ULK4: variants seen among roughly 807,000 people sequenced by gnomAD.
ULK4 encodes unc-51 like kinase 4, also known as inactive serine/threonine-protein kinase ULK4.
Under a neutral mutation model 160.6 loss-of-function variants are expected in ULK4, and 133 were observed. That is an observed-to-expected ratio of 0.83 (90% CI 0.72 to 0.96). ULK4 has a LOEUF of 0.96. Ranked by LOEUF, ULK4 falls within the 40% of genes least tolerant of loss-of-function variation. ULK4 has a pLI of 0.00. For missense variants in ULK4, 1,580 were observed against 1,499.5 expected (o/e 1.05, Z -0.89); for synonymous variants, 534 against 539.8 (o/e 0.99, Z 0.15).
chr3:41,486,845 T>C (rs544449738), intron 32 of ULK4, among the ~76,000 whole-genome samples: 1 of 152,260 alleles, frequency 6.6e-6, no homozygotes, highest in East Asian at 1.9e-4. Context: ...AGGGAAACAC[T>C]AGAAGCATAT....
At chr3:41,406,992 T>A (rs909778370) in intron 34 of ULK4, among the ~76,000 whole-genome samples, 3 of 152,048 alleles carry the variant, frequency 2.0e-5, no homozygotes, top group Admixed American at 6.6e-5. Context: ...CAGAGGGGGA[T>A]CCCAGTGGAT....
rs566814848 is a variant in ULK4 at position 41,738,066 on chromosome 3, C to T, written c.2321+16295G>A. ...TAAAAATTAGTATCAAGAGCAAAAACTTAAAATATGTAGGGGTGATAATAT... is the reference window on the plus strand; with the variant it reads ...TAAAAATTAGTATCAAGAGCAAAAATTTAAAATATGTAGGGGTGATAATAT... On this transcript the variant is annotated intron_variant, in intron 22 of 36. Coordinates refer to ENST00000301831, the MANE Select transcript of ULK4 (RefSeq NM_017886.4). 5.1e-4 allele frequency among the ~76,000 whole-genome samples: 73 copies of T among 143,452 alleles called. 1 individual carries two copies. The highest frequency in any genetic ancestry group is 2.0e-3 in the African/African-American group (67 of 32,966). 94.1% of individuals were successfully genotyped at this position (143,452 alleles called of 152,430 possible).
intron 21 of ULK4, among the ~76,000 whole-genome samples, chr3:41,780,808 CA>C (rs1559548690): frequency 6.6e-6 from 1 of 152,134 alleles, no homozygotes. Flanking sequence ...ATTTACCAAT[CA>C]GGGGCCATTT....
intron 35 of ULK4, among the ~76,000 whole-genome samples, chr3:41,252,609 GA>G (rs35292590): frequency 0.39 from 40,254 of 104,246 alleles, 6,661 homozygotes; most frequent in Non-Finnish European, 0.47. Flanking sequence ...AGCAGAGATT[GA>G]AAAAAAAAAA....
At chr3:41,729,486 C>A (rs2125862817) in intron 22 of ULK4, among the ~76,000 whole-genome samples, 1 of 152,318 alleles carries the variant, frequency 6.6e-6, no homozygotes, top group South Asian at 2.1e-4. Context: ...GCGTGTCCTT[C>A]CCTGGGACCC....
chr3:41,554,222 A>C (rs1349208207), intron 32 of ULK4, among the ~76,000 whole-genome samples: 1 of 152,142 alleles, frequency 6.6e-6, no homozygotes, highest in African/African-American at 2.4e-5. Flanking sequence ...GGATACCTGC[A>C]CCTCTTTGTT....
At chr3:41,772,520 G>A (rs2039430447) in intron 21 of ULK4, among the ~76,000 whole-genome samples, 1 of 152,124 alleles carries the variant, frequency 6.6e-6, no homozygotes, top group South Asian at 2.1e-4. Context: ...ACTAAACCAG[G>A]AAGAAGTTGA....
chr3:41,913,401 A>G (rs1332908655), intron 8 of ULK4, among the ~76,000 whole-genome samples: 2 of 151,708 alleles, frequency 1.3e-5, no homozygotes, highest in Non-Finnish European at 2.9e-5. Flanking sequence ...AATTTTTTGT[A>G]TTTTTAGTAG....
chr3:41,302,934 A>G (rs2079828408), intron 35 of ULK4, among the ~76,000 whole-genome samples: 1 of 152,172 alleles, frequency 6.6e-6, no homozygotes, highest in South Asian at 2.1e-4. Flanking sequence ...GAATTTTATA[A>G]TATTAAATAA....
In ULK4 at chr3:41,664,577, G is replaced by A. The variant is rs186879212; in HGVS notation, c.2979-878C>T. 2.4e-4 allele frequency among the ~76,000 whole-genome samples: 37 copies of A among 152,172 alleles called. No homozygotes were observed. The South Asian group carries it at 2.5e-3, about 10-fold the overall frequency. On this transcript the variant is annotated intron_variant, in intron 29 of 36. Coordinates refer to ENST00000301831, the MANE Select transcript of ULK4 (RefSeq NM_017886.4). ...AAATGTATCAAAATTCCAGATTCCC[G>A]GAAGGAAAGCAGCTGTGTTCAGCAT...
chr3:41,407,194 A>G (rs1055841881), intron 34 of ULK4, among the ~76,000 whole-genome samples: 14 of 152,176 alleles, frequency 9.2e-5, no homozygotes, highest in Admixed American at 7.2e-4. Context: ...ATTTATGGCT[A>G]AAAACCATCC....
chr3:41,454,151 A>G (rs1453072904), intron 34 of ULK4, among the ~76,000 whole-genome samples: 1 of 150,152 alleles, frequency 6.7e-6, no homozygotes, highest in Non-Finnish European at 1.5e-5. Flanking sequence ...CATTGTGCAC[A>G]TGTACCCTAG....
intron 35 of ULK4, among the ~76,000 whole-genome samples, chr3:41,339,461 C>T (rs6784369): frequency 5.8e-4 from 88 of 152,300 alleles, no homozygotes; most frequent in African/African-American, 2.0e-3. Flanking sequence ...AAGCCACCCT[C>T]CACATGTCCC....
At chr3:41,484,239 C>T (rs984536596) in intron 32 of ULK4, among the ~76,000 whole-genome samples, 7 of 152,010 alleles carry the variant, frequency 4.6e-5, no homozygotes, top group Admixed American at 4.6e-4. Flanking sequence ...TCTCCAATAT[C>T]TATCAAATAC....
At chr3:41,297,181 G>A (rs988578061) in intron 35 of ULK4, among the ~76,000 whole-genome samples, 18 of 152,160 alleles carry the variant, frequency 1.2e-4, no homozygotes, top group Non-Finnish European at 2.6e-4. Context: ...CTCCGTGAGC[G>A]CCTGCTGTGC....
intron 4 of ULK4, among the ~76,000 whole-genome samples, chr3:41,934,015 G>T (rs1699681792): frequency 6.6e-6 from 1 of 152,062 alleles, no homozygotes; most frequent in South Asian, 2.1e-4. Flanking sequence ...TCCAGCCTGG[G>T]CAACAGAGTG....
chr3:41,367,142 CT>C (rs1281124814), intron 35 of ULK4, among the ~76,000 whole-genome samples: 1 of 152,192 alleles, frequency 6.6e-6, no homozygotes, highest in Non-Finnish European at 1.5e-5. Context: ...CCTGTGGCCA[CT>C]TTTTGGCTAC....
chr3:41,256,325 A>C lies in ULK4; in HGVS notation c.3679-6751T>G, dbSNP rs7340566. On this transcript the variant is annotated intron_variant, in intron 35 of 36. Transcript: ENST00000301831. ...CAGAATAAAATTTAGCCATCATACT[A>C]CCCAACTTTAAGAGGCACTACATGA... Among the ~76,000 whole-genome samples the C allele has an allele frequency of 4.2e-3, 642 of 152,328 alleles. 10 individuals carry two copies. Among genetic ancestry groups the C allele is most frequent in the African/African-American group, 0.014 (591 of 41,584 alleles).
At chr3:41,560,390 C>T (rs994240161) in intron 32 of ULK4, among the ~76,000 whole-genome samples, 2 of 152,128 alleles carry the variant, frequency 1.3e-5, no homozygotes, top group East Asian at 1.9e-4. Context: ...TTTTCTCCAA[C>T]TCTGTGAAGA....
Sources: gnomAD v4.1 joint callset for allele counts (sites outside exome capture counted in the v4.1 genomes callset) on GRCh38, gnomAD v4.1.1 for gene constraint, MANE v1.5 for transcripts, NCBI Gene and HGNC (gene_info 2026-07-23, HGNC 2026-07-21) for gene names.